GLDC: variants seen among roughly 807,000 people sequenced by gnomAD.
The protein encoded by GLDC is glycine decarboxylase.
In GLDC, 104 loss-of-function variants were observed where a neutral mutation model predicts 121.3. The observed-to-expected ratio is 0.86, with a 90% CI of 0.73 to 1.01. GLDC has a LOEUF of 1.01. Among genes scored for constraint, GLDC ranks in the 50% least tolerant of loss-of-function variants. GLDC has a pLI of 0.00. For synonymous variants in GLDC, 546 were observed against 480.6 expected, an observed-to-expected ratio of 1.14 and a Z score of -1.78; for missense variants, 1,429 against 1,306.6, an observed-to-expected ratio of 1.09 and a Z score of -1.44.
In GLDC at chr9:6,550,538, A is replaced by C. The variant is rs112627227; in HGVS notation, c.2569+265T>G. Among the ~76,000 whole-genome samples the C allele has an allele frequency of 0.041, 6,210 of 152,258 alleles. 173 individuals carry two copies. Among genetic ancestry groups the C allele is most frequent in the Middle Eastern group, 0.092 (27 of 294 alleles). ...GCTACTCGGGAGGCTGAGGCAAAAG[A>C]ATCGCTTGAACCCGGGAGGCAGAAA... is the stretch of plus-strand genomic sequence containing the variant. On this transcript the variant is annotated intron_variant, in intron 21 of 24. Transcript: ENST00000321612.
Position 6,533,168 on chromosome 9 carries a change from G to A in GLDC, c.2920-8C>T, listed in dbSNP as rs138786708. 1,120 of 1,613,274 alleles carry A rather than the reference G, an allele frequency of 6.9e-4. 15 individuals carry two copies. The South Asian group carries it at 0.012, about 17-fold the overall frequency. ...CTCTGGTTTCACGAAGGGCTGCAAA[G>A]GACAAAAGATGGAAATGCTGTGAGA... On this transcript the variant is annotated splice_region_variant and splice_polypyrimidine_tract_variant and intron_variant, in intron 24 of 24. Transcript: ENST00000321612.
chr9:6,615,259 C>T (rs1031522185), intron 3 of GLDC, among the ~76,000 whole-genome samples: 2 of 151,916 alleles, frequency 1.3e-5, no homozygotes, highest in African/African-American at 4.8e-5. Flanking sequence ...CTTTTAAAAT[C>T]CCTAGCTTTC....
chr9:6,642,543 A>C (rs1419189611), intron 2 of GLDC, among the ~76,000 whole-genome samples: 2 of 152,106 alleles, frequency 1.3e-5, no homozygotes, highest in African/African-American at 4.8e-5. Context: ...AAATAAAAAT[A>C]AAAAATAAAA....
intron 15 of GLDC, chr9:6,568,757 G>A (rs935823684): frequency 6.6e-6 from 1 of 152,256 alleles, no homozygotes; most frequent in Non-Finnish European, 1.5e-5. Context: ...GCTGAAGTGG[G>A]AGAATCACTT....
chr9:6,635,172 C>T (rs779064719), intron 2 of GLDC, among the ~76,000 whole-genome samples: 3 of 152,172 alleles, frequency 2.0e-5, no homozygotes, highest in Admixed American at 6.5e-5. Context: ...AAGTTATAAC[C>T]TATAGCTGGG....
Position 6,608,290 on chromosome 9 carries a change from C to G in GLDC, c.636-1621G>C, listed in dbSNP as rs573200174. ...AAAAACCCTTAGCCGGGCGTGGTGGCGGGCACCTGTAGTCCCAGCTACGTG... is the reference window on the plus strand; with the variant it reads ...AAAAACCCTTAGCCGGGCGTGGTGGGGGGCACCTGTAGTCCCAGCTACGTG... On this transcript the variant is annotated intron_variant, in intron 4 of 24. Transcript: ENST00000321612. Among the ~76,000 whole-genome samples, 12 of 144,762 alleles carry G rather than the reference C, an allele frequency of 8.3e-5. No individual in the cohort carries two copies. In the East Asian group the frequency reaches 2.0e-3, roughly 25 times the overall value. The allele number at this position is 144,762 out of a possible 152,430, so 95.0% of individuals were successfully genotyped here.
intron 14 of GLDC, among the ~76,000 whole-genome samples, chr9:6,587,675 A>G (rs1279406966): frequency 1.3e-5 from 2 of 152,170 alleles, no homozygotes; most frequent in Non-Finnish European, 2.9e-5. Context: ...ACAAAAGTAA[A>G]TGGGAAGGCC....
intron 2 of GLDC, among the ~76,000 whole-genome samples, chr9:6,643,727 G>C (rs1411023075): frequency 6.6e-6 from 1 of 151,926 alleles, no homozygotes; most frequent in Non-Finnish European, 1.5e-5. Context: ...TCTTATTTGT[G>C]TGTTTTTCTA....
At chr9:6,580,733 C>G (rs930539480) in intron 15 of GLDC, among the ~76,000 whole-genome samples, 2 of 152,232 alleles carry the variant, frequency 1.3e-5, no homozygotes, top group African/African-American at 4.8e-5. Flanking sequence ...CATCAGGCAG[C>G]AAGCCCATCT....
intron 21 of GLDC, chr9:6,540,439 C>A: frequency 2.5e-6 from 1 of 407,790 alleles, no homozygotes; most frequent in Non-Finnish European, 4.6e-6. Context: ...AACATATGAC[C>A]GGAGGTGTCT....
chr9:6,599,747 CAAAT>C (rs1289089124), intron 8 of GLDC, among the ~76,000 whole-genome samples: 1 of 147,432 alleles, frequency 6.8e-6, no homozygotes, highest in African/African-American at 2.6e-5. Flanking sequence ...ACCAAAAAAA[CAAAT>C]AAATAAATAA....
chr9:6,642,085 A>G (rs1819640778), intron 2 of GLDC, among the ~76,000 whole-genome samples: 1 of 151,566 alleles, frequency 6.6e-6, no homozygotes, highest in South Asian at 2.1e-4. Flanking sequence ...CTCTCCCAAC[A>G]CCCCCAGCTC....
chr9:6,577,348 C>T (rs571196715), intron 15 of GLDC, among the ~76,000 whole-genome samples: 4 of 152,278 alleles, frequency 2.6e-5, no homozygotes, highest in African/African-American at 9.6e-5. Flanking sequence ...ATAGAGGTGC[C>T]GCTAGGGCAG....
Position 6,573,567 on chromosome 9 carries a change from A to G in GLDC, c.1851-8138T>C, listed in dbSNP as rs187217885. On this transcript the variant is annotated intron_variant, in intron 15 of 24. Coordinates refer to ENST00000321612, the MANE Select transcript of GLDC (RefSeq NM_000170.3). ...AAAGAAGAAGAAAAAAGCGACCCCC[A>G]TCCATCCTACCCAGTGTCACCCCCC... 5.9e-5 allele frequency among the ~76,000 whole-genome samples: 9 copies of G among 152,214 alleles called. 1 individual carries two copies. In the East Asian group the frequency reaches 9.6e-4, roughly 16 times the overall value.
chr9:6,594,945 TA>T, intron 9 of GLDC, 68 bp downstream of exon 9: 1 of 948,456 alleles, frequency 1.1e-6, no homozygotes, highest in East Asian at 2.4e-5. Context: ...GGACATGCAA[TA>T]TTTTCAATTT....
chr9:6,535,825 C>T (rs1397086555), intron 23 of GLDC: 1 of 541,762 alleles, frequency 1.8e-6, no homozygotes, highest in Non-Finnish European at 3.3e-6. Flanking sequence ...CAGAATGTTA[C>T]AAATTCTCCA....
In GLDC at chr9:6,602,223, C is replaced by T. The variant is rs1818629216; in HGVS notation, c.1059-18G>A. The T allele has an allele frequency of 2.1e-6, 3 of 1,439,902 alleles. No individual in the cohort carries two copies. The highest frequency in any genetic ancestry group is 2.3e-5 in the East Asian group (1 of 44,044). 89.2% of individuals were successfully genotyped at this position (1,439,902 alleles called of 1,614,324 possible). A position where few individuals can be genotyped will look rare whatever the true frequency, so the allele number is the denominator to read the frequency against. Reference sequence around the variant, plus strand: ...TGGCATCTCTACACCAAGAATAAGGCATCCAGTTAGCACAGATAATCACAG... The same window carrying T: ...TGGCATCTCTACACCAAGAATAAGGTATCCAGTTAGCACAGATAATCACAG... On this transcript the variant is annotated intron_variant, in intron 7 of 24. Coordinates refer to ENST00000321612, the MANE Select transcript of GLDC (RefSeq NM_000170.3).
chr9:6,556,553 G>T (rs1817635285), intron 17 of GLDC, among the ~76,000 whole-genome samples: 1 of 152,180 alleles, frequency 6.6e-6, no homozygotes, highest in African/African-American at 2.4e-5. Flanking sequence ...GGCACTCTGG[G>T]AGGCCGAGGC....
chr9:6,622,337 C>G (rs1015539411), intron 2 of GLDC, among the ~76,000 whole-genome samples: 2 of 151,444 alleles, frequency 1.3e-5, no homozygotes, highest in African/African-American at 4.9e-5. Flanking sequence ...ACTGCAACCT[C>G]CCTGCCTGAT....
Sources: gnomAD v4.1 joint callset for allele counts (sites outside exome capture counted in the v4.1 genomes callset) on GRCh38, gnomAD v4.1.1 for gene constraint, MANE v1.5 for transcripts, NCBI Gene and HGNC (gene_info 2026-07-23, HGNC 2026-07-21) for gene names.